The following CNOT6L variants were observed in gnomAD, a reference collection of about 807,000 sequenced individuals.
CNOT6L encodes CCR4-NOT transcription complex subunit 6 like.
Under a neutral mutation model 64.0 loss-of-function variants are expected in CNOT6L, and 7 were observed. The ratio of observed to expected loss-of-function variants is 0.11; its 90% confidence interval spans 0.06 to 0.21. CNOT6L has a LOEUF of 0.21. Ranked by LOEUF, CNOT6L falls within the 10% of genes least tolerant of loss-of-function variation. The pLI is 1.00. For synonymous variants in CNOT6L, 193 were observed against 243.4 expected (o/e 0.79, Z 1.93); for missense variants, 245 against 669.0 (o/e 0.37, Z 6.99).
intron 1 of CNOT6L, among the ~76,000 whole-genome samples, chr4:77,800,747 A>C (rs898282706): frequency 1.3e-5 from 2 of 152,216 alleles, no homozygotes; most frequent in African/African-American, 4.8e-5. Flanking sequence ...CTCCATTAAA[A>C]ACAGTAGAGT....
At chr4:77,781,464 A>T (rs994634639) in intron 1 of CNOT6L, among the ~76,000 whole-genome samples, 13 of 152,212 alleles carry the variant, frequency 8.5e-5, no homozygotes, top group Non-Finnish European at 1.3e-4. Flanking sequence ...GCACAGAAAA[A>T]TTTAAATTTA....
rs1467931203 is a variant in CNOT6L at position 77,720,480 on chromosome 4, G to T, written c.1619C>A (p.Pro540His). 47 of 1,613,394 alleles carry T rather than the reference G, an allele frequency of 2.9e-5. No individual in the cohort carries two copies. Among genetic ancestry groups the T allele is most frequent in the Non-Finnish European group, 3.7e-5 (44 of 1,179,544 alleles). ...FSLLTQLELH[P>H]PLLPLVNGVH... ...ACCATTGACAAGAGGCAGGAGTGGA[G>T]GGTGGAGTTCAAGTTGTGTTAACAG... is the stretch of plus-strand genomic sequence containing the variant. The change falls in exon 12 of 12, where the codon CCT (proline) becomes CAT (histidine). Residue 540 changes from proline (P) to histidine (H), a missense_variant. This residue lies in a region of CNOT6L where 7 missense variants were observed against 26.5 expected (regional missense o/e 0.26). Transcript: ENST00000504123.
At chr4:77,775,720 T>G (rs1476007357) in intron 2 of CNOT6L, among the ~76,000 whole-genome samples, 1 of 152,220 alleles carries the variant, frequency 6.6e-6, no homozygotes, top group African/African-American at 2.4e-5. Flanking sequence ...TTGTTTTACA[T>G]GACCATGACA....
chr4:77,715,494 G>GC lies in CNOT6L; in HGVS notation c.*4936_*4937insG, dbSNP rs1235020235. 1 of 151,954 alleles carries GC rather than the reference G, an allele frequency of 6.6e-6. No homozygotes were observed. Among genetic ancestry groups the GC allele is most frequent in the Non-Finnish European group, 1.5e-5 (1 of 67,972 alleles). 9.4% of individuals were successfully genotyped at this position (151,954 alleles called of 1,614,324 possible). On this transcript the variant is annotated 3_prime_UTR_variant, in exon 12 of 12. Transcript: ENST00000504123. The stretch of plus-strand genomic sequence containing the variant: ...AACTCAACATGCTTATTTTCCTTTG[G>GC]TTCCAGGAAAAACCCAAGTCTAACC...
At chr4:77,819,916 A>G (rs1198327116), upstream of CNOT6L, among the ~76,000 whole-genome samples, 2 of 150,380 alleles carry the variant, frequency 1.3e-5, no homozygotes, top group East Asian at 4.0e-4. Context: ...CGCGCAAGAG[A>G]GGCCCCGCGG....
chr4:77,807,276 C>CAAAAAAAAAAAAAAAAAAAAAAAAAA (rs58452605), intron 1 of CNOT6L, among the ~76,000 whole-genome samples: 25 of 108,170 alleles, frequency 2.3e-4, no homozygotes, highest in African/African-American at 1.0e-3. Flanking sequence ...GACTCCATCT[C>CAAAAAAAAAAAAAAAAAAAAAAAAAA]AAAAAAAAAA....
chr4:77,748,971 G>T (rs895907600), intron 5 of CNOT6L, among the ~76,000 whole-genome samples: 1 of 152,154 alleles, frequency 6.6e-6, no homozygotes, highest in Admixed American at 6.5e-5. Flanking sequence ...GGAACTAAAT[G>T]CTACCTAACT....
chr4:77,783,574 A>G (rs1293128553), intron 1 of CNOT6L, among the ~76,000 whole-genome samples: 2 of 152,220 alleles, frequency 1.3e-5, no homozygotes, highest in African/African-American at 4.8e-5. Context: ...ACAAAGGATG[A>G]GGGTGATGAA....
chr4:77,733,670 C>T (rs1353641720), intron 8 of CNOT6L, among the ~76,000 whole-genome samples: 5 of 151,842 alleles, frequency 3.3e-5, no homozygotes, highest in Non-Finnish European at 7.4e-5. Flanking sequence ...TTCTTTGGGG[C>T]GTAGGGGCAG....
Position 77,796,732 on chromosome 4 carries a change from G to A in CNOT6L, c.6-20340C>T, listed in dbSNP as rs764314877. Reference sequence around the variant, plus strand: ...AGGTACTGACAAAGATTAACATCAAGAGAACAGAGTCTAGAAACAAACACA... The same window carrying A: ...AGGTACTGACAAAGATTAACATCAAAAGAACAGAGTCTAGAAACAAACACA... On this transcript the variant is annotated intron_variant, in intron 1 of 11. Transcript: ENST00000504123. Among the ~76,000 whole-genome samples, 75 of 152,186 alleles carry A rather than the reference G, an allele frequency of 4.9e-4. 1 individual carries two copies. The highest frequency in any genetic ancestry group is 9.4e-4 in the Non-Finnish European group (64 of 68,006).
intron 9 of CNOT6L, among the ~76,000 whole-genome samples, chr4:77,730,385 A>G (rs1211336700): frequency 6.6e-6 from 1 of 152,116 alleles, no homozygotes. Flanking sequence ...AAGAGCCATA[A>G]GCACTATATT....
At chr4:77,799,171 T>C (rs1023224673) in intron 1 of CNOT6L, among the ~76,000 whole-genome samples, 1 of 152,150 alleles carries the variant, frequency 6.6e-6, no homozygotes, top group African/African-American at 2.4e-5. Context: ...CTCATGACTG[T>C]AATCCCAACA....
chr4:77,731,694 T>A (rs1030917001), intron 8 of CNOT6L, 156 bp from the exon 9 acceptor site: 1 of 527,488 alleles, frequency 1.9e-6, no homozygotes, highest in Non-Finnish European at 3.2e-6. Context: ...GAAGTCTGAT[T>A]ATTGTAAAAA....
chr4:77,772,572 G>A (rs1283277093), intron 4 of CNOT6L, among the ~76,000 whole-genome samples: 2 of 151,872 alleles, frequency 1.3e-5, no homozygotes, highest in African/African-American at 2.4e-5. Context: ...CCCCTTACAA[G>A]TTTGTTAATA....
At chr4:77,767,062 CAAAAAAAAA>C (rs56926683) in intron 4 of CNOT6L, among the ~76,000 whole-genome samples, 2 of 25,968 alleles carry the variant, frequency 7.7e-5, no homozygotes, top group African/African-American at 2.9e-4. Context: ...AACTCCGTCT[CAAAAAAAAA>C]AAAAAAAAAA....
chr4:77,746,970 A>T (rs2109961348), intron 6 of CNOT6L, among the ~76,000 whole-genome samples: 1 of 152,208 alleles, frequency 6.6e-6, no homozygotes, highest in East Asian at 1.9e-4. Flanking sequence ...TGCATATTAT[A>T]ATATTTTGTA....
intron 1 of CNOT6L, among the ~76,000 whole-genome samples, chr4:77,807,713 G>C (rs1732414530): frequency 6.6e-6 from 1 of 152,122 alleles, no homozygotes; most frequent in South Asian, 2.1e-4. Flanking sequence ...AGTAAGCAAA[G>C]ACAAGATCAT....
At chr4:77,746,531 A>G (rs1337412582) in intron 6 of CNOT6L, among the ~76,000 whole-genome samples, 1 of 152,214 alleles carries the variant, frequency 6.6e-6, no homozygotes, top group Non-Finnish European at 1.5e-5. Context: ...AAAAGTCCAC[A>G]CTAGTTTTTC....
chr4:77,760,860 CTTTTTTTTTTTTTTTTTTTTTT>C (rs754195745), intron 4 of CNOT6L, among the ~76,000 whole-genome samples: 2 of 29,978 alleles, frequency 6.7e-5, no homozygotes, highest in Admixed American at 6.5e-4. Flanking sequence ...CCATGCCTGG[CTTTTTTTTTTTTTTTTTTTTTT>C]TTTTTTTTTT....
Sources: gnomAD v4.1 joint callset for allele counts (sites outside exome capture counted in the v4.1 genomes callset) on GRCh38, gnomAD v4.1.1 for gene constraint, gnomAD v4.1.1 regional missense constraint, MANE v1.5 for transcripts, NCBI Gene and HGNC (gene_info 2026-07-23, HGNC 2026-07-21) for gene names.